The following LRMDA variants were observed in gnomAD, a reference collection of about 807,000 sequenced individuals.
LRMDA encodes the protein leucine-rich melanocyte differentiation-associated protein.
A neutral mutation model predicts 29.8 loss-of-function variants in LRMDA; 18 were observed. That is an observed-to-expected ratio of 0.60 (90% CI 0.42 to 0.90). The LOEUF (loss-of-function observed/expected upper bound fraction) is 0.90, where lower values mean the gene tolerates loss of function less well. LRMDA is among the 40% of genes least tolerant of loss of function. LRMDA has a pLI of 0.00. For synonymous variants in LRMDA, 125 were observed against 109.4 expected (o/e 1.14, Z -0.89); for missense variants, 273 against 273.9 (o/e 1.00, Z 0.02).
chr10:75,561,402 G>A (rs1241764076), intron 2 of LRMDA, among the ~76,000 whole-genome samples: 3 of 150,844 alleles, frequency 2.0e-5, no homozygotes, highest in Admixed American at 6.6e-5. Context: ...ATTTTTTATT[G>A]CGTCTATTTG....
chr10:76,250,540 C>CG (rs1852458336), intron 5 of LRMDA, among the ~76,000 whole-genome samples: 2 of 152,110 alleles, frequency 1.3e-5, no homozygotes, highest in African/African-American at 4.8e-5. Context: ...GTATCCGTTT[C>CG]TCATCATGAA....
At chr10:75,807,802 T>C (rs956879513) in intron 2 of LRMDA, among the ~76,000 whole-genome samples, 1 of 152,182 alleles carries the variant, frequency 6.6e-6, no homozygotes, top group Non-Finnish European at 1.5e-5. Flanking sequence ...TGATTCTAAA[T>C]AGGGAGTGTG....
chr10:75,654,746 C>A (rs967703429), intron 2 of LRMDA, among the ~76,000 whole-genome samples: 1 of 152,094 alleles, frequency 6.6e-6, no homozygotes, highest in African/African-American at 2.4e-5. Context: ...TCTGACAATG[C>A]CTTTGTAGGA....
intron 5 of LRMDA, among the ~76,000 whole-genome samples, chr10:76,162,119 C>T (rs1013583380): frequency 6.6e-6 from 1 of 152,130 alleles, no homozygotes; most frequent in African/African-American, 2.4e-5. Context: ...GTGTTATTTG[C>T]ATGTCCTTAG....
intron 2 of LRMDA, among the ~76,000 whole-genome samples, chr10:75,781,280 C>G (rs200904156): frequency 2.6e-5 from 4 of 152,182 alleles, no homozygotes. Context: ...GTGCCTGGCT[C>G]ATAATAACCT....
At chr10:75,656,189 C>T (rs1411804558) in intron 2 of LRMDA, among the ~76,000 whole-genome samples, 1 of 152,174 alleles carries the variant, frequency 6.6e-6, no homozygotes, top group East Asian at 1.9e-4. Flanking sequence ...AGTCTTTAGC[C>T]TGGAAATTAG....
intron 2 of LRMDA, among the ~76,000 whole-genome samples, chr10:75,752,208 C>CTTTT (rs780364065): frequency 2.3e-4 from 26 of 113,134 alleles, no homozygotes; most frequent in African/African-American, 3.8e-4. Flanking sequence ...TAACGTGTCT[C>CTTTT]TTTTTTTTTT....
intron 2 of LRMDA, among the ~76,000 whole-genome samples, chr10:75,939,384 C>T (rs528512802): frequency 6.6e-6 from 1 of 152,208 alleles, no homozygotes; most frequent in South Asian, 2.1e-4. Flanking sequence ...GTTCTGTTTT[C>T]CCTATTTGTC....
rs185306076 is a variant in LRMDA, at chr10:76,193,414, G to A, written c.517-130987G>A. ...CGGAAGTCCATGACTGGAAAGATCC[G>A]GTATTTAAAGGAAAGGCACCTCTGA... On this transcript the variant is annotated intron_variant, in intron 5 of 6. Transcript: ENST00000611255. Among the ~76,000 whole-genome samples, 458 of 152,164 alleles carry A rather than the reference G, an allele frequency of 3.0e-3. 2 individuals carry two copies. Among genetic ancestry groups the A allele is most frequent in the South Asian group, 6.4e-3 (31 of 4,818 alleles).
intron 2 of LRMDA, among the ~76,000 whole-genome samples, chr10:75,514,851 T>C (rs1279221334): frequency 6.6e-6 from 1 of 151,980 alleles, no homozygotes; most frequent in Non-Finnish European, 1.5e-5. Context: ...AACCTGAGTG[T>C]TCCTTTATAA....
intron 1 of LRMDA, among the ~76,000 whole-genome samples, chr10:75,433,557 T>G (rs1844230208): frequency 1.3e-5 from 2 of 152,120 alleles, no homozygotes; most frequent in South Asian, 4.1e-4. Flanking sequence ...TTTGTTTGTT[T>G]GTTTGTTTGT....
intron 5 of LRMDA, among the ~76,000 whole-genome samples, chr10:76,273,851 G>T (rs879533595): frequency 7.9e-5 from 12 of 152,114 alleles, no homozygotes; most frequent in Non-Finnish European, 1.5e-4. Flanking sequence ...TCCATGTAGA[G>T]TTCATACCAG....
At position 76,255,878 on chromosome 10, in the gene LRMDA, A is replaced by G. The variant is rs139856689; in HGVS notation, c.517-68523A>G. Among the ~76,000 whole-genome samples the G allele has an allele frequency of 1.7e-3, 263 of 152,364 alleles. 2 individuals are homozygous for G. Among genetic ancestry groups the G allele is most frequent in the African/African-American group, 5.6e-3 (234 of 41,588 alleles). On this transcript the variant is annotated intron_variant, in intron 5 of 6. Transcript: ENST00000611255. The stretch of plus-strand genomic sequence containing the variant: ...CAGTCTGAAGGGGATTTAATTTACT[A>G]AGATACAACTGACCAGCTATAAAGC...
chr10:76,235,650 A>G (rs530537735), intron 5 of LRMDA, among the ~76,000 whole-genome samples: 1 of 152,284 alleles, frequency 6.6e-6, no homozygotes, highest in African/African-American at 2.4e-5. Flanking sequence ...TCCCTGGCTG[A>G]TAAGATTCTA....
At chr10:75,562,093 T>G (rs1166627156) in intron 2 of LRMDA, among the ~76,000 whole-genome samples, 2 of 152,146 alleles carry the variant, frequency 1.3e-5, no homozygotes, top group Non-Finnish European at 1.5e-5. Context: ...CCTTGTTAAC[T>G]TTCTGTCTCG....
chr10:76,115,166 A>G (rs192841100), intron 5 of LRMDA, among the ~76,000 whole-genome samples: 1 of 152,240 alleles, frequency 6.6e-6, no homozygotes, highest in Non-Finnish European at 1.5e-5. Flanking sequence ...GTTTTAATGA[A>G]TCACTTTAAA....
At chr10:75,776,498 G>A (rs1045177130) in intron 2 of LRMDA, among the ~76,000 whole-genome samples, 22 of 152,284 alleles carry the variant, frequency 1.4e-4, no homozygotes, top group African/African-American at 4.1e-4. Context: ...GGGCCAGAAG[G>A]AACTTAAGAT....
intron 2 of LRMDA, among the ~76,000 whole-genome samples, chr10:75,717,838 G>C (rs1399206922): frequency 6.6e-6 from 1 of 151,940 alleles, no homozygotes; most frequent in East Asian, 1.9e-4. Context: ...ATAGTCTGTA[G>C]CATGTATTTT....
intron 5 of LRMDA, among the ~76,000 whole-genome samples, chr10:76,238,447 G>A (rs1329520880): frequency 6.6e-6 from 1 of 152,046 alleles, no homozygotes; most frequent in East Asian, 1.9e-4. Context: ...AGACTCTGTT[G>A]CCCTTACATT....
Sources: allele counts gnomAD v4.1 joint callset (sites outside exome capture counted in the v4.1 genomes callset), GRCh38; gene constraint gnomAD v4.1.1; transcripts MANE v1.5; gene names NCBI Gene and HGNC (gene_info 2026-07-23, HGNC 2026-07-21).